The following ARSK variants were observed in gnomAD, a reference collection of about 807,000 sequenced individuals.
The protein encoded by ARSK is arylsulfatase K.
ARSK carries 37 observed loss-of-function variants against 53.2 expected under a neutral mutation model. The ratio of observed to expected loss-of-function variants is 0.70; its 90% CI spans 0.54 to 0.92. ARSK has a LOEUF of 0.92. Ranked by LOEUF, ARSK falls within the 40% of genes least tolerant of loss-of-function variation. ARSK has a pLI of 0.00. For synonymous variants in ARSK, 208 were observed against 223.2 expected (o/e 0.93, Z 0.61); for missense variants, 613 against 643.0 (o/e 0.95, Z 0.51).
intron 3 of ARSK, among the ~76,000 whole-genome samples, chr5:95,576,261 C>T (rs1046050386): frequency 1.3e-4 from 19 of 144,622 alleles, no homozygotes; most frequent in Admixed American, 4.2e-4. Context: ...TGCAGTGGCA[C>T]GATCTCAGCT....
intron 4 of ARSK, among the ~76,000 whole-genome samples, chr5:95,584,477 C>T (rs1054509459): frequency 6.6e-6 from 1 of 152,122 alleles, no homozygotes; most frequent in African/African-American, 2.4e-5. Context: ...TATCAAACCA[C>T]ATGATGCATG....
chr5:95,590,240 A>G (rs1468656009), intron 5 of ARSK, among the ~76,000 whole-genome samples: 1 of 152,180 alleles, frequency 6.6e-6, no homozygotes, highest in Non-Finnish European at 1.5e-5. Flanking sequence ...AAGGGCATTC[A>G]CCATAAATGG....
chr5:95,589,551 A>T (rs1749178266), intron 5 of ARSK, among the ~76,000 whole-genome samples: 1 of 152,028 alleles, frequency 6.6e-6, no homozygotes, highest in Non-Finnish European at 1.5e-5. Flanking sequence ...TTCCTGCGTT[A>T]GTTAGCTAAA....
At chr5:95,577,767 A>G (rs1478736206) in intron 3 of ARSK, among the ~76,000 whole-genome samples, 1 of 152,196 alleles carries the variant, frequency 6.6e-6, no homozygotes, top group Non-Finnish European at 1.5e-5. Flanking sequence ...TTTCTTTGAA[A>G]TATATTTACT....
intron 6 of ARSK, among the ~76,000 whole-genome samples, chr5:95,593,288 G>T (rs1749248073): frequency 6.6e-6 from 1 of 152,066 alleles, no homozygotes; most frequent in South Asian, 2.1e-4. Flanking sequence ...GAAAGCTGGG[G>T]TGATTCTTTC....
At chr5:95,581,830 A>G (rs971954615) in intron 3 of ARSK, among the ~76,000 whole-genome samples, 1 of 152,210 alleles carries the variant, frequency 6.6e-6, no homozygotes, top group African/African-American at 2.4e-5. Context: ...CCCATCTGTT[A>G]GAATTAATTA....
intron 3 of ARSK, chr5:95,580,908 T>C (rs1452842542): frequency 7.8e-7 from 1 of 1,288,334 alleles, no homozygotes. Context: ...TGAACGTGGG[T>C]CAACTAATCA....
chr5:95,603,349 T>A lies in ARSK; in HGVS notation c.1434T>A (p.Ala478=). 1 of 1,613,238 alleles carries A rather than the reference T, an allele frequency of 6.2e-7. No individual in the cohort carries two copies. The highest frequency in any genetic ancestry group is 1.1e-5 in the South Asian group (1 of 90,844). Residue 478 remains alanine (A), a synonymous_variant, in exon 8 of 8, where the codon GCT becomes GCA. Transcript: ENST00000380009. ...HSIINYPKVS[A]SVHQYNKEQF... ...TTATAAACTACCCTAAAGTTTCTGC[T>A]TCTGTCCACCAGTATAATAAAGAGC...
intron 3 of ARSK, among the ~76,000 whole-genome samples, chr5:95,576,302 G>A (rs1169017424): frequency 1.4e-5 from 2 of 147,754 alleles, no homozygotes; most frequent in Non-Finnish European, 3.0e-5. Context: ...AGGTTCAAAC[G>A]ATTCTCCTAC....
At chr5:95,571,333 T>C (rs1443033751) in intron 3 of ARSK, among the ~76,000 whole-genome samples, 1 of 152,222 alleles carries the variant, frequency 6.6e-6, no homozygotes, top group African/African-American at 2.4e-5. Context: ...AGCAAAGACC[T>C]TATCTCTTCT....
At chr5:95,591,767 G>A in intron 6 of ARSK, 142 bp downstream of exon 6, 1 of 721,074 alleles carries the variant, frequency 1.4e-6, no homozygotes, top group Non-Finnish European at 2.4e-6. Flanking sequence ...TCAACTGTGA[G>A]TCAAATCTGT....
chr5:95,591,359 G>C (rs1749210871), intron 5 of ARSK, 42 bp from the exon 6 acceptor site: 1 of 1,498,748 alleles, frequency 6.7e-7, no homozygotes, highest in Non-Finnish European at 9.3e-7. Context: ...AATAAAACAT[G>C]AACTGAAAGT....
chr5:95,561,406 G>T (rs779373532), intron 1 of ARSK, among the ~76,000 whole-genome samples: 11 of 152,140 alleles, frequency 7.2e-5, no homozygotes, highest in Non-Finnish European at 1.5e-4. Flanking sequence ...TTACTCCTAG[G>T]TGTATATTCA....
intron 6 of ARSK, among the ~76,000 whole-genome samples, chr5:95,592,094 C>G (rs1393759511): frequency 6.6e-6 from 1 of 152,090 alleles, no homozygotes; most frequent in Non-Finnish European, 1.5e-5. Context: ...AGCCATATGT[C>G]TAGAAAAGCA....
intron 6 of ARSK, among the ~76,000 whole-genome samples, chr5:95,597,787 G>A (rs1290426379): frequency 6.6e-6 from 1 of 151,902 alleles, no homozygotes; most frequent in East Asian, 1.9e-4. Flanking sequence ...CCAGCTACTC[G>A]GGAGGCTGAG....
chr5:95,567,838 T>C, intron 2 of ARSK, 52 bp from the exon 3 acceptor site: 1 of 1,533,408 alleles, frequency 6.5e-7, no homozygotes, highest in Non-Finnish European at 8.8e-7. Context: ...GTCCTAATAG[T>C]TAAATTGTTA....
At chr5:95,592,960 G>A (rs1187655200) in intron 6 of ARSK, among the ~76,000 whole-genome samples, 1 of 151,958 alleles carries the variant, frequency 6.6e-6, no homozygotes, top group Non-Finnish European at 1.5e-5. Flanking sequence ...CATTCCATTA[G>A]TTTCTAGCTG....
At chr5:95,600,051 G>A (rs796670806) in intron 6 of ARSK, among the ~76,000 whole-genome samples, 18 of 152,228 alleles carry the variant, frequency 1.2e-4, no homozygotes, top group African/African-American at 4.3e-4. Flanking sequence ...GAAGTTTAAG[G>A]TCTAATTACC....
chr5:95,565,860 A>G (rs1360606460), intron 1 of ARSK, 138 bp from the exon 2 acceptor site: 2 of 786,812 alleles, frequency 2.5e-6, no homozygotes, highest in South Asian at 2.0e-5. Context: ...AACACCCTCT[A>G]TACTTGTTTT....
Sources: gnomAD v4.1 joint callset for allele counts (sites outside exome capture counted in the v4.1 genomes callset) on GRCh38, gnomAD v4.1.1 for gene constraint, MANE v1.5 for transcripts, NCBI Gene and HGNC (gene_info 2026-07-23, HGNC 2026-07-21) for gene names.